The following QTMAN variants were observed in gnomAD, a reference collection of about 807,000 sequenced individuals.
The protein encoded by QTMAN is queuosine-tRNA mannosyltransferase, also known as tRNA-queuosine alpha-mannosyltransferase.
chr2:144,109,052 G>GA, the QTMAN span, among the ~76,000 whole-genome samples: 5 of 152,074 alleles, frequency 3.3e-5, no homozygotes, highest in Non-Finnish European at 7.4e-5. Flanking sequence ...CACAGAATTG[G>GA]AAAAAACTAC....
chr2:144,121,134 C>T, the QTMAN span, among the ~76,000 whole-genome samples: 3 of 152,146 alleles, frequency 2.0e-5, no homozygotes, highest in South Asian at 6.2e-4. Flanking sequence ...AGACTCAGAG[C>T]CATTGAATGA....
At chr2:144,080,760 G>A in the QTMAN span, among the ~76,000 whole-genome samples, 1 of 152,168 alleles carries the variant, frequency 6.6e-6, no homozygotes, top group Non-Finnish European at 1.5e-5. Context: ...GTTAAAGGAA[G>A]CTCTTCCTTT....
chr2:144,115,298 T>G, the QTMAN span, among the ~76,000 whole-genome samples: 1 of 152,200 alleles, frequency 6.6e-6, no homozygotes, highest in Non-Finnish European at 1.5e-5. Context: ...GTCTCTTTCT[T>G]AGTGATTCAA....
chr2:143,969,570 G>T, the QTMAN span, among the ~76,000 whole-genome samples: 1 of 152,074 alleles, frequency 6.6e-6, no homozygotes, highest in South Asian at 2.1e-4. Context: ...TGAAAGAGAT[G>T]AAAAAATTTA....
the QTMAN span, among the ~76,000 whole-genome samples, chr2:144,114,240 T>C: frequency 2.0e-5 from 3 of 152,238 alleles, no homozygotes; most frequent in African/African-American, 7.2e-5. Context: ...CAACAGCTTT[T>C]ATTTTCTAAT....
the QTMAN span, chr2:143,943,306 A>G: frequency 6.6e-6 from 1 of 152,228 alleles, no homozygotes; most frequent in Non-Finnish European, 1.5e-5. Flanking sequence ...AAAATGAAAC[A>G]TGTTCAAGTC....
At chr2:144,170,970 A>T in the QTMAN span, among the ~76,000 whole-genome samples, 1 of 152,138 alleles carries the variant, frequency 6.6e-6, no homozygotes, top group African/African-American at 2.4e-5. Flanking sequence ...AACTAGAGGA[A>T]GAAAACACAG....
the QTMAN span, among the ~76,000 whole-genome samples, chr2:144,217,788 G>A: frequency 6.6e-6 from 1 of 152,098 alleles, no homozygotes; most frequent in African/African-American, 2.4e-5. Context: ...GCCAATAAAG[G>A]TTTGGAGTAG....
At chr2:144,076,108 G>A in the QTMAN span, among the ~76,000 whole-genome samples, 16 of 152,230 alleles carry the variant, frequency 1.1e-4, no homozygotes, top group East Asian at 1.9e-4. Flanking sequence ...TTAGCTGGGC[G>A]TGGTGGCGCG....
chr2:144,105,265 G>A, the QTMAN span, among the ~76,000 whole-genome samples: 1 of 152,222 alleles, frequency 6.6e-6, no homozygotes, highest in Non-Finnish European at 1.5e-5. Context: ...GAATGACTTT[G>A]AAGAGCTGAG....
At chr2:144,326,934 G>A in the QTMAN span, among the ~76,000 whole-genome samples, 3 of 152,014 alleles carry the variant, frequency 2.0e-5, no homozygotes, top group African/African-American at 7.3e-5. Flanking sequence ...AGAGAGAGAG[G>A]AAGATTCCAT....
chr2:144,205,052 G>C, the QTMAN span, among the ~76,000 whole-genome samples: 1 of 151,936 alleles, frequency 6.6e-6, no homozygotes, highest in African/African-American at 2.4e-5. Flanking sequence ...TAAACGACGA[G>C]TTAATGGGTA....
At chr2:143,991,216 G>A in the QTMAN span, among the ~76,000 whole-genome samples, 1 of 152,172 alleles carries the variant, frequency 6.6e-6, no homozygotes, top group Non-Finnish European at 1.5e-5. Flanking sequence ...TGTTTTCCAG[G>A]ATGGATGAAA....
the QTMAN span, among the ~76,000 whole-genome samples, chr2:143,959,646 ATCT>A: frequency 6.6e-6 from 1 of 152,170 alleles, no homozygotes; most frequent in South Asian, 2.1e-4. Flanking sequence ...ACAGCTAAAT[ATCT>A]TCATCTTCTT....
chr2:144,318,138 T>C, the QTMAN span, among the ~76,000 whole-genome samples: 31 of 152,014 alleles, frequency 2.0e-4, no homozygotes, highest in South Asian at 6.5e-3. Context: ...CACGTATTTC[T>C]TATTAAATTT....
At chr2:144,155,070 T>C in the QTMAN span, among the ~76,000 whole-genome samples, 1 of 152,150 alleles carries the variant, frequency 6.6e-6, no homozygotes, top group Admixed American at 6.5e-5. Context: ...GTGCTTACAT[T>C]CCCCATGCCC....
chr2:144,002,211 G>C, the QTMAN span, among the ~76,000 whole-genome samples: 1 of 151,780 alleles, frequency 6.6e-6, no homozygotes, highest in African/African-American at 2.4e-5. Context: ...TCATCCCCTC[G>C]ATAGATATCT....
At chr2:144,291,097 A>G in the QTMAN span, among the ~76,000 whole-genome samples, 1 of 152,158 alleles carries the variant, frequency 6.6e-6, no homozygotes, top group Non-Finnish European at 1.5e-5. Flanking sequence ...TAATCTTCAC[A>G]TAGTCTTCCC....
At chr2:144,287,948 G>A in the QTMAN span, among the ~76,000 whole-genome samples, 6 of 152,054 alleles carry the variant, frequency 3.9e-5, no homozygotes, top group East Asian at 1.9e-4. Flanking sequence ...TCCACTTACC[G>A]GGTTCAAGAG....
Sources: gnomAD v4.1 joint callset for allele counts (sites outside exome capture counted in the v4.1 genomes callset) on GRCh38, gnomAD v4.1.1 for gene constraint, MANE v1.5 for transcripts, NCBI Gene and HGNC (gene_info 2026-07-23, HGNC 2026-07-21) for gene names.